Variants in NKAIN1 observed in about 807,000 individuals in gnomAD.
NKAIN1 encodes the protein sodium/potassium transporting ATPase interacting 1.
A neutral mutation model predicts 31.6 loss-of-function variants in NKAIN1; 13 were observed. That is an observed-to-expected ratio of 0.41 (90% CI 0.27 to 0.65). The LOEUF (loss-of-function observed/expected upper bound fraction) is 0.65. Among genes scored for constraint, NKAIN1 ranks in the 30% least tolerant of loss-of-function variants. The pLI is 0.30. For synonymous variants in NKAIN1, 104 were observed against 109.0 expected, an observed-to-expected ratio of 0.95 and a Z score of 0.28; for missense variants, 193 against 262.2, an observed-to-expected ratio of 0.74 and a Z score of 1.82.
chr1:31,226,533 T>C (rs2148366153), intron 1 of NKAIN1, among the ~76,000 whole-genome samples: 1 of 151,484 alleles, frequency 6.6e-6, no homozygotes, highest in South Asian at 2.1e-4. Flanking sequence ...CTTTTTTTTT[T>C]TTTTTTTTGA....
intron 1 of NKAIN1, among the ~76,000 whole-genome samples, chr1:31,198,842 G>A (rs1645352414): frequency 6.6e-6 from 1 of 151,796 alleles, no homozygotes; most frequent in Admixed American, 6.6e-5. Context: ...GCTCTTGTCT[G>A]TCTAGACGCC....
intron 1 of NKAIN1, among the ~76,000 whole-genome samples, chr1:31,208,818 G>C (rs1034737753): frequency 6.6e-6 from 1 of 152,206 alleles, no homozygotes; most frequent in African/African-American, 2.4e-5. Context: ...CCACACTCTG[G>C]TGTGGGTCTA....
intron 5 of NKAIN1, 72 bp from the exon 6 acceptor site, chr1:31,182,013 G>T (rs1373904439): frequency 3.5e-6 from 5 of 1,444,582 alleles, no homozygotes; most frequent in East Asian, 2.4e-5. Flanking sequence ...GTCCTGAAGG[G>T]GAAGAATCTG....
chr1:31,202,122 A>G (rs1645384707), intron 1 of NKAIN1, among the ~76,000 whole-genome samples: 1 of 152,156 alleles, frequency 6.6e-6, no homozygotes, highest in African/African-American at 2.4e-5. Flanking sequence ...GTCAGGAGGC[A>G]GCAGCAGGCT....
chr1:31,230,048 C>T (rs1157906933), intron 1 of NKAIN1, among the ~76,000 whole-genome samples: 2 of 152,092 alleles, frequency 1.3e-5, no homozygotes, highest in African/African-American at 2.4e-5. Context: ...GAAGAGAAGA[C>T]CACGGTCCAG....
intron 1 of NKAIN1, among the ~76,000 whole-genome samples, chr1:31,199,705 G>A (rs1645362289): frequency 6.6e-6 from 1 of 152,176 alleles, no homozygotes; most frequent in Non-Finnish European, 1.5e-5. Flanking sequence ...CTCAACATAA[G>A]ATTAAAAGGA....
At chr1:31,217,160 C>A (rs564002850) in intron 1 of NKAIN1, among the ~76,000 whole-genome samples, 3 of 151,980 alleles carry the variant, frequency 2.0e-5, no homozygotes, top group African/African-American at 7.2e-5. Context: ...GCCACCGTGC[C>A]GCGGCATTGA....
chr1:31,188,721 T>C (rs756308792), intron 1 of NKAIN1, among the ~76,000 whole-genome samples: 1 of 152,222 alleles, frequency 6.6e-6, no homozygotes, highest in Non-Finnish European at 1.5e-5. Context: ...TCCACACTAA[T>C]GCTGTGCTTG....
At chr1:31,192,642 C>A (rs758386809) in intron 1 of NKAIN1, among the ~76,000 whole-genome samples, 2 of 151,978 alleles carry the variant, frequency 1.3e-5, no homozygotes, top group Non-Finnish European at 2.9e-5. Context: ...GCTCCACTTC[C>A]GGGGTTCACG....
At position 31,239,169 on chromosome 1, in the gene NKAIN1, C is replaced by T. The variant is rs2148371252; in HGVS notation, c.54+325G>A. On this transcript the variant is annotated intron_variant, in intron 1 of 6. Transcript: ENST00000373736. The surrounding 1 kb of genome is among the most constrained non-coding windows in gnomAD (Gnocchi z 4.8). ...ATCCACAGATCAGCCTCAGACACAC[C>T]CCCAGTCCCAGCAAGCCACCGTCCC... is the stretch of plus-strand genomic sequence containing the variant. Among the ~76,000 whole-genome samples, 1 of 152,250 alleles carries T rather than the reference C, an allele frequency of 6.6e-6. No homozygotes were observed. The highest frequency in any genetic ancestry group is 2.1e-4 in the South Asian group (1 of 4,818).
chr1:31,234,810 C>T (rs372898624), intron 1 of NKAIN1, among the ~76,000 whole-genome samples: 23 of 152,090 alleles, frequency 1.5e-4, no homozygotes, highest in Admixed American at 1.2e-3. Flanking sequence ...TGGTTAAACG[C>T]GAGCAGTAGA....
chr1:31,227,534 G>GTGGGTC (rs1459411429), intron 1 of NKAIN1, among the ~76,000 whole-genome samples: 1 of 152,188 alleles, frequency 6.6e-6, no homozygotes, highest in Non-Finnish European at 1.5e-5. Flanking sequence ...GCAGAATGAG[G>GTGGGTC]TGGGTCATAA....
intron 1 of NKAIN1, among the ~76,000 whole-genome samples, chr1:31,211,662 A>C (rs537076869): frequency 9.2e-5 from 14 of 151,560 alleles, no homozygotes; most frequent in South Asian, 6.2e-4. Context: ...AATATGTGGA[A>C]TCTTGGCTGG....
chr1:31,229,354 C>A (rs1645629718), intron 1 of NKAIN1, among the ~76,000 whole-genome samples: 1 of 152,032 alleles, frequency 6.6e-6, no homozygotes, highest in East Asian at 1.9e-4. Context: ...TTTGAGACTT[C>A]ATCTTACAAT....
intron 2 of NKAIN1, 141 bp downstream of exon 2, chr1:31,187,909 T>C: frequency 1.1e-6 from 1 of 875,896 alleles, no homozygotes; most frequent in Non-Finnish European, 1.7e-6. Flanking sequence ...GCTGTGCACA[T>C]TCACCCCATC....
At position 31,182,539 on chromosome 1, in the gene NKAIN1, C is replaced by T; in HGVS notation, c.523G>A (p.Glu175Lys). The T allele has an allele frequency of 6.2e-7, 1 of 1,614,144 alleles. No individual in the cohort carries two copies. Among genetic ancestry groups the T allele is most frequent in the East Asian group, 2.2e-5 (1 of 44,878 alleles). The change falls in exon 5 of 7, where the codon GAG becomes AAG. Residue 175 changes from glutamate (E) to lysine (K), a missense_variant. Transcript: ENST00000373736. ...CYVSKVFLEEEDSFDFIGGFD... is the reference protein window; with the variant it reads ...CYVSKVFLEEKDSFDFIGGFD... ...GGGGCGCCTTACTCACAGCTGTCCT[C>T]CTCCTCCAGGAACACTTTGCTCACG...
At chr1:31,198,361 T>C (rs2148354055) in intron 1 of NKAIN1, among the ~76,000 whole-genome samples, 1 of 152,248 alleles carries the variant, frequency 6.6e-6, no homozygotes, top group South Asian at 2.1e-4. Context: ...TTCTAACCAA[T>C]GACTCAGTGA....
rs139451212 is a variant in NKAIN1, at chr1:31,225,325, C to CTTTTT, written c.54+14164_54+14168dup. Among the ~76,000 whole-genome samples, 9 of 52,152 alleles carry CTTTTT rather than the reference C, an allele frequency of 1.7e-4. 1 individual carries two copies. The highest frequency in any genetic ancestry group is 9.8e-4 in the Admixed American group (3 of 3,056). 34.2% of individuals were successfully genotyped at this position (52,152 alleles called of 152,430 possible). On this transcript the variant is annotated intron_variant, in intron 1 of 6. Coordinates refer to ENST00000373736, the MANE Select transcript of NKAIN1 (RefSeq NM_024522.3). ...ACAGGCATAAGCCACCATGCCCGGC[C>CTTTTT]TTTTTTTTTTTTTTTTTTTTTTTTT...
At chr1:31,210,833 C>T (rs1645463057) in intron 1 of NKAIN1, among the ~76,000 whole-genome samples, 1 of 152,222 alleles carries the variant, frequency 6.6e-6, no homozygotes, top group Non-Finnish European at 1.5e-5. Context: ...TGGGCTCCAT[C>T]AGCTGTTGTG....
Sources: gnomAD v4.1 joint callset for allele counts (sites outside exome capture counted in the v4.1 genomes callset) on GRCh38, gnomAD v4.1.1 for gene constraint, Gnocchi (gnomAD v3.1) non-coding constraint, MANE v1.5 for transcripts, NCBI Gene and HGNC (gene_info 2026-07-23, HGNC 2026-07-21) for gene names.